The following DAB2IP variants were observed in gnomAD, a reference collection of about 807,000 sequenced individuals.
DAB2IP encodes DAB2 interacting protein, also known as disabled homolog 2-interacting protein.
A neutral mutation model predicts 107.2 loss-of-function variants in DAB2IP; 28 were observed. The ratio of observed to expected loss-of-function variants is 0.26; its 90% confidence interval spans 0.19 to 0.36. The LOEUF is 0.36. DAB2IP is among the 10% of genes least tolerant of loss of function. The probability of loss-of-function intolerance (pLI) is 1.00; values close to 1 mark genes in which losing one functional copy is unlikely to be tolerated. For missense variants in DAB2IP, 1,400 were observed against 1,644.7 expected (o/e 0.85, Z 2.57); for synonymous variants, 755 against 706.4 (o/e 1.07, Z -1.09).
At chr9:121,623,767 C>CTCCTGGGCAATG (rs1354714529) in intron 1 of DAB2IP, among the ~76,000 whole-genome samples, 1 of 151,386 alleles carries the variant, frequency 6.6e-6, no homozygotes, top group Non-Finnish European at 1.5e-5. Context: ...AGCTCATTGC[C>CTCCTGGGCAATG]ACCTCCGCCT....
rs141024909 is a variant in DAB2IP, at chr9:121,606,936, G to A, written c.40+39708G>A. On this transcript the variant is annotated intron_variant, in intron 1 of 16. Coordinates refer to the DAB2IP transcript ENST00000259371. ...ACTACAGGTGCATGCCACCATGCCT[G>A]GCTAATTTTCATATTTTTAGTAGAG... Among the ~76,000 whole-genome samples the A allele has an allele frequency of 5.6e-3, 845 of 152,052 alleles. 7 individuals carry two copies. The highest frequency in any genetic ancestry group is 0.02 in the African/African-American group (809 of 41,470).
At chr9:121,646,258 G>C (rs1484506817) in intron 1 of DAB2IP, among the ~76,000 whole-genome samples, 2 of 152,110 alleles carry the variant, frequency 1.3e-5, no homozygotes, top group Non-Finnish European at 2.9e-5. Flanking sequence ...CGGTGGCAGT[G>C]GTGGTCGCCT....
intron 1 of DAB2IP, among the ~76,000 whole-genome samples, chr9:121,575,888 A>G (rs528958618): frequency 6.6e-6 from 1 of 152,244 alleles, no homozygotes; most frequent in South Asian, 2.1e-4. Context: ...GCAAATGGCC[A>G]AGGTGTAGGG....
chr9:121,773,409 G>A lies in DAB2IP; in HGVS notation c.2881G>A (p.Val961Met), dbSNP rs558731616. The stretch of plus-strand genomic sequence containing the variant: ...CCTGGCGTCGGCCTCACCTGATTGG[G>A]TGGGCCCCAGTACCCGCCTGAGGCA... Residue 961 changes from valine (V) to methionine (M), a missense_variant, in exon 12 of 16, where the codon GTG becomes ATG. This residue lies in a region of DAB2IP where 600 missense variants were observed against 659.1 expected (regional missense o/e 0.91). Transcript: ENST00000408936. 2.5e-5 allele frequency: 40 copies of A among 1,584,362 alleles called. No homozygotes were observed. The Admixed American group carries it at 5.6e-4, about 22-fold the overall frequency.
chr9:121,571,586 A>G (rs1426845486), intron 1 of DAB2IP, among the ~76,000 whole-genome samples: 1 of 152,078 alleles, frequency 6.6e-6, no homozygotes, highest in African/African-American at 2.4e-5. Flanking sequence ...GGCTCTGGAC[A>G]TCTCTCCCTG....
chr9:121,652,380 C>T (rs1008190585), intron 1 of DAB2IP, among the ~76,000 whole-genome samples: 2 of 152,192 alleles, frequency 1.3e-5, no homozygotes, highest in Admixed American at 6.5e-5. Flanking sequence ...CGGGTGGGCG[C>T]CAGCTCCTTT....
At chr9:121,742,037 C>T (rs933130562) in intron 3 of DAB2IP, among the ~76,000 whole-genome samples, 1 of 152,100 alleles carries the variant, frequency 6.6e-6, no homozygotes, top group Admixed American at 6.5e-5. Context: ...TTCCAGGCAT[C>T]ACAGAAACAG....
rs1589468107 is a variant in DAB2IP, at chr9:121,660,023, G to C, written c.124+8124G>C. On this transcript the variant is annotated intron_variant, in intron 1 of 15. Coordinates refer to ENST00000408936, the Ensembl canonical transcript of DAB2IP. ...GCCCTCGGGAGCTCAGAGGCCAAGG[G>C]GAAGAGTCTTGGCATAAGGTTAGCA... 5.3e-5 allele frequency among the ~76,000 whole-genome samples: 8 copies of C among 152,158 alleles called. 1 individual carries two copies. In the South Asian group the frequency reaches 1.7e-3, roughly 32 times the overall value.
intron 1 of DAB2IP, among the ~76,000 whole-genome samples, chr9:121,570,870 C>T (rs987531644): frequency 6.6e-6 from 1 of 151,502 alleles, no homozygotes; most frequent in Non-Finnish European, 1.5e-5. Flanking sequence ...AGGCTGCTCT[C>T]GGGGTTTCCT....
rs551288383 is a variant in DAB2IP at position 121,583,246 on chromosome 9, G to A, written c.40+16018G>A. ...TACATAAAATACAAAAAAATTAGTC[G>A]AGCGTGGTGGCAGGCGTCTGTGGTG... On this transcript the variant is annotated intron_variant, in intron 1 of 16. Transcript: ENST00000259371. 5.6e-3 allele frequency among the ~76,000 whole-genome samples: 858 copies of A among 152,236 alleles called. 3 individuals carry two copies. The highest frequency in any genetic ancestry group is 9.2e-3 in the Non-Finnish European group (626 of 68,008).
chr9:121,725,059 T>A (rs1190150185), intron 3 of DAB2IP, among the ~76,000 whole-genome samples: 4 of 152,126 alleles, frequency 2.6e-5, no homozygotes, highest in Admixed American at 2.6e-4. Flanking sequence ...CCTCCAGGCT[T>A]CTTGTGCTGG....
chr9:121,705,435 C>T (rs1830012390), intron 3 of DAB2IP, among the ~76,000 whole-genome samples: 1 of 152,238 alleles, frequency 6.6e-6, no homozygotes, highest in Non-Finnish European at 1.5e-5. Flanking sequence ...AGGCCAAATA[C>T]AGGCAATTGC....
chr9:121,699,244 T>TGCGGGTCCCGC lies in DAB2IP; in HGVS notation c.229-70_229-60dup, dbSNP rs1016488830. 2.9e-4 allele frequency: 332 copies of TGCGGGTCCCGC among 1,129,532 alleles called. 1 individual carries two copies. The African/African-American group carries it at 5.2e-3, about 18-fold the overall frequency. 70.0% of individuals were successfully genotyped at this position (1,129,532 alleles called of 1,614,324 possible). A position where few individuals can be genotyped will look rare whatever the true frequency, so the allele number is the denominator to read the frequency against. On this transcript the variant is annotated intron_variant, in intron 2 of 15. Coordinates refer to ENST00000408936, the Ensembl canonical transcript of DAB2IP. The surrounding 1 kb of genome is among the most constrained non-coding windows in gnomAD (Gnocchi z 6.2). ...CGGCCGCGCGGCCGCCCAGCAAGGG[T>TGCGGGTCCCGC]GCGGGTCCCGCGCGGGTCCCGGCCC...
intron 15 of DAB2IP, 59 bp downstream of exon 15, chr9:121,781,610 GTGA>G: frequency 1.3e-6 from 2 of 1,541,726 alleles, no homozygotes; most frequent in Non-Finnish European, 1.8e-6. Context: ...ATTAGGAGGG[GTGA>G]CTAGCCTCTC....
intron 1 of DAB2IP, among the ~76,000 whole-genome samples, chr9:121,613,309 CTTGCCTT>C (rs1158736312): frequency 6.6e-6 from 1 of 152,226 alleles, no homozygotes; most frequent in Non-Finnish European, 1.5e-5. Context: ...GCCCTTGCCT[CTTGCCTT>C]CCCTGGAGTT....
chr9:121,652,521 G>C (rs1832791778), intron 1 of DAB2IP, among the ~76,000 whole-genome samples: 1 of 152,154 alleles, frequency 6.6e-6, no homozygotes, highest in Non-Finnish European at 1.5e-5. Flanking sequence ...CGTTTGGGCG[G>C]GTGGTGGCCG....
At chr9:121,655,912 G>C (rs1324531511) in intron 1 of DAB2IP, among the ~76,000 whole-genome samples, 1 of 152,112 alleles carries the variant, frequency 6.6e-6, no homozygotes, top group Admixed American at 6.5e-5. Context: ...CGCGTGGTGG[G>C]AGAGGATGGT....
upstream of DAB2IP, among the ~76,000 whole-genome samples, chr9:121,649,094 C>T (rs1175389552): frequency 6.6e-6 from 1 of 152,178 alleles, no homozygotes; most frequent in African/African-American, 2.4e-5. Context: ...TCCTGCCCTG[C>T]CCCCTTCCCA....
At chr9:121,779,027 T>G (rs1358746585) in intron 14 of DAB2IP, among the ~76,000 whole-genome samples, 1 of 152,198 alleles carries the variant, frequency 6.6e-6, no homozygotes, top group Non-Finnish European at 1.5e-5. Context: ...TGCATTAGGC[T>G]GACTCATTTT....
Sources: gnomAD v4.1 joint callset for allele counts (sites outside exome capture counted in the v4.1 genomes callset) on GRCh38, gnomAD v4.1.1 for gene constraint, gnomAD v4.1.1 regional missense constraint, Gnocchi (gnomAD v3.1) non-coding constraint, MANE v1.5 for transcripts, NCBI Gene and HGNC (gene_info 2026-07-23, HGNC 2026-07-21) for gene names.